The following PRKX variants were observed in gnomAD, a reference collection of about 807,000 sequenced individuals.
PRKX encodes cAMP-dependent protein kinase catalytic subunit PRKX.
In PRKX, 12 loss-of-function variants were observed where a neutral mutation model predicts 22.0. The ratio of observed to expected loss-of-function variants is 0.54; its 90% CI spans 0.35 to 0.88. The LOEUF (loss-of-function observed/expected upper bound fraction) is 0.88. PRKX is among the 40% of genes least tolerant of loss of function. The pLI is 0.01. For missense variants in PRKX, 217 were observed against 308.0 expected (o/e 0.70, Z 2.21); for synonymous variants, 134 against 137.7 (o/e 0.97, Z 0.19).
At chrX:3,661,465 G>C (rs1345827920) in intron 2 of PRKX, among the ~76,000 whole-genome samples, 1 of 110,349 alleles carries the variant, frequency 9.1e-6, no homozygotes, top group Non-Finnish European at 1.9e-5. Context: ...AGATTAGCTA[G>C]GTGTGGTTGT....
intron 1 of PRKX, among the ~76,000 whole-genome samples, chrX:3,697,259 G>A (rs929455840): frequency 1.8e-5 from 2 of 110,991 alleles, no homozygotes; most frequent in Admixed American, 1.9e-4. Context: ...TCAGCTACTC[G>A]GGAAGGCGCG....
chrX:3,618,817 A>C (rs1174723270), intron 6 of PRKX, among the ~76,000 whole-genome samples: 1 of 110,893 alleles, frequency 9.0e-6, no homozygotes, highest in Non-Finnish European at 1.9e-5. Context: ...CAGATTCTAG[A>C]TATGGGTCGT....
rs1926169663 is a variant in PRKX at position 3,606,265 on chromosome X, T to C, written c.*2704A>G. On this transcript the variant is annotated 3_prime_UTR_variant, in exon 9 of 9. Transcript: ENST00000262848. ...TTTGTCATGATCATCCATACGGACA[T>C]TCTGCACCGTGATTGTTTCGTGATC... is the stretch of plus-strand genomic sequence containing the variant. 8.8e-6 allele frequency: 1 copy of C among 113,018 alleles called. No individual in the cohort carries two copies. Among genetic ancestry groups the C allele is most frequent in the African/African-American group, 3.2e-5 (1 of 31,126 alleles). 9.3% of individuals were successfully genotyped at this position (113,018 alleles called of 1,213,427 possible). A position where few individuals can be genotyped will look rare whatever the true frequency, so the allele number is the denominator to read the frequency against.
chrX:3,654,809 T>G (rs1170987035), intron 3 of PRKX, among the ~76,000 whole-genome samples: 1 of 110,693 alleles, frequency 9.0e-6, no homozygotes, highest in Non-Finnish European at 1.9e-5. Flanking sequence ...TTGTATCCTA[T>G]TCGATGCAGA....
chrX:3,679,562 C>T (rs1422781655), intron 1 of PRKX, among the ~76,000 whole-genome samples: 1 of 112,327 alleles, frequency 8.9e-6, no homozygotes, highest in Admixed American at 9.5e-5. Flanking sequence ...CCTTGCCTAA[C>T]GTGAGACTGT....
intron 3 of PRKX, among the ~76,000 whole-genome samples, chrX:3,642,993 A>C (rs1283180107): frequency 1.4e-5 from 1 of 72,282 alleles, no homozygotes; most frequent in Non-Finnish European, 2.4e-5. Flanking sequence ...CGACAGAGTG[A>C]GACTCTCTCT....
intron 3 of PRKX, among the ~76,000 whole-genome samples, chrX:3,645,226 T>C (rs1444209130): frequency 2.7e-5 from 3 of 111,397 alleles, no homozygotes; most frequent in African/African-American, 9.8e-5. Context: ...TGACACCTGC[T>C]GTTCTCAGTT....
chrX:3,661,328 C>T (rs1226842671), intron 2 of PRKX, among the ~76,000 whole-genome samples: 3 of 111,770 alleles, frequency 2.7e-5, no homozygotes, highest in East Asian at 2.8e-4. Context: ...ACTTTGCAGG[C>T]GAGTGTGGTG....
At chrX:3,659,717 GTTT>G (rs369338597) in intron 2 of PRKX, among the ~76,000 whole-genome samples, 362 of 28,038 alleles carry the variant, frequency 0.013, 2 homozygotes, top group African/African-American at 0.063. Flanking sequence ...TGTTTTTTTT[GTTT>G]TTTTTTTTGT....
intron 4 of PRKX, among the ~76,000 whole-genome samples, chrX:3,629,082 C>T (rs1926715884): frequency 8.9e-6 from 1 of 112,016 alleles, no homozygotes; most frequent in Non-Finnish European, 1.9e-5. Flanking sequence ...ATAAAGTTTA[C>T]AGTGGTGAAT....
intron 1 of PRKX, among the ~76,000 whole-genome samples, chrX:3,690,000 A>C (rs1928289968): frequency 9.0e-6 from 1 of 111,334 alleles, no homozygotes; most frequent in African/African-American, 3.3e-5. Context: ...CAAACAAAAA[A>C]CAGTGTGCTT....
chrX:3,690,854 A>G (rs1422312412), intron 1 of PRKX, among the ~76,000 whole-genome samples: 1 of 112,918 alleles, frequency 8.9e-6, no homozygotes, highest in Non-Finnish European at 1.9e-5. Context: ...TTTCTGGCTC[A>G]GTGTATTTAT....
At chrX:3,623,562 A>C (rs1415892595) in intron 5 of PRKX, among the ~76,000 whole-genome samples, 1 of 111,113 alleles carries the variant, frequency 9.0e-6, no homozygotes, top group Non-Finnish European at 1.9e-5. Flanking sequence ...GTCTCTTTAA[A>C]AGAAAAAGTA....
At chrX:3,648,629 T>TGTGTGTGTGTGTGCGC (rs1927241308) in intron 3 of PRKX, among the ~76,000 whole-genome samples, 2 of 104,017 alleles carry the variant, frequency 1.9e-5, no homozygotes, top group Middle Eastern at 4.8e-3. Context: ...TGTGTGTGTG[T>TGTGTGTGTGTGTGCGC]GTGTGTGTGT....
At chrX:3,634,113 G>A (rs1469641124) in intron 4 of PRKX, among the ~76,000 whole-genome samples, 1 of 108,363 alleles carries the variant, frequency 9.2e-6, no homozygotes, top group Non-Finnish European at 1.9e-5. Context: ...AGCCAGGCAC[G>A]GTGGCACGCA....
At chrX:3,655,794 A>C (rs1278279750) in intron 2 of PRKX, among the ~76,000 whole-genome samples, 1 of 112,391 alleles carries the variant, frequency 8.9e-6, no homozygotes, top group Admixed American at 9.5e-5. Flanking sequence ...GTAGTTATAG[A>C]TAGATGTTAG....
At chrX:3,679,723 C>T (rs1156818707) in intron 1 of PRKX, among the ~76,000 whole-genome samples, 1 of 111,746 alleles carries the variant, frequency 8.9e-6, no homozygotes, top group Admixed American at 9.6e-5. Flanking sequence ...TAGAAAAATC[C>T]CCAAATTCCC....
At chrX:3,635,178 C>A (rs1436187095) in intron 4 of PRKX, among the ~76,000 whole-genome samples, 3 of 111,983 alleles carry the variant, frequency 2.7e-5, no homozygotes, top group Non-Finnish European at 3.8e-5. Context: ...CTGTAACACA[C>A]AGAAATGAAA....
chrX:3,625,583 T>G (rs763616275), intron 5 of PRKX, among the ~76,000 whole-genome samples: 1 of 111,258 alleles, frequency 9.0e-6, no homozygotes, highest in Non-Finnish European at 1.9e-5. Context: ...AGCATTCTTT[T>G]TTTTTTGAGA....
Sources: gnomAD v4.1 joint callset for allele counts (sites outside exome capture counted in the v4.1 genomes callset) on GRCh38, gnomAD v4.1.1 for gene constraint, MANE v1.5 for transcripts, NCBI Gene and HGNC (gene_info 2026-07-23, HGNC 2026-07-21) for gene names.